The following PCDH15 variants were observed in gnomAD, a reference collection of about 807,000 sequenced individuals.
PCDH15 encodes the protein protocadherin-15.
A neutral mutation model predicts 178.5 loss-of-function variants in PCDH15; 129 were observed. The observed-to-expected ratio is 0.72, with a 90% CI of 0.63 to 0.84. The LOEUF is 0.84. Among genes scored for constraint, PCDH15 ranks in the 40% least tolerant of loss-of-function variants. PCDH15 has a pLI of 0.00. For missense variants in PCDH15, 2,230 were observed against 2,099.9 expected (o/e 1.06, Z -1.21); for synonymous variants, 800 against 732.0 (o/e 1.09, Z -1.50).
intron 3 of PCDH15, among the ~76,000 whole-genome samples, chr10:54,816,543 T>C (rs1952952746): frequency 6.6e-6 from 1 of 152,046 alleles, no homozygotes; most frequent in African/African-American, 2.4e-5. Context: ...ACTAAGATAT[T>C]TTTCATGCCC....
intron 14 of PCDH15, among the ~76,000 whole-genome samples, chr10:54,133,630 C>A (rs2042633812): frequency 6.6e-6 from 1 of 152,068 alleles, no homozygotes; most frequent in Non-Finnish European, 1.5e-5. Context: ...ATGACAGGAG[C>A]TTTTCTTGAA....
chr10:54,461,352 G>A (rs1490140277), intron 3 of PCDH15, among the ~76,000 whole-genome samples: 1 of 151,838 alleles, frequency 6.6e-6, no homozygotes, highest in Non-Finnish European at 1.5e-5. Context: ...TTTACTTTTT[G>A]CAAGTTGTAT....
At chr10:54,358,457 A>G (rs1419349595) in intron 5 of PCDH15, among the ~76,000 whole-genome samples, 2 of 152,208 alleles carry the variant, frequency 1.3e-5, no homozygotes, top group East Asian at 1.9e-4. Flanking sequence ...CAAAACCACA[A>G]TGAGATACCA....
At chr10:55,398,636 G>GACC (rs1356744101) in intron 2 of PCDH15, among the ~76,000 whole-genome samples, 1 of 152,050 alleles carries the variant, frequency 6.6e-6, no homozygotes, top group Non-Finnish European at 1.5e-5. Flanking sequence ...GTCATAACAG[G>GACC]ACCTATTTCT....
At chr10:54,731,117 A>C (rs569766385) in intron 1 of PCDH15, among the ~76,000 whole-genome samples, 5 of 151,406 alleles carry the variant, frequency 3.3e-5, no homozygotes, top group Non-Finnish European at 7.4e-5. Flanking sequence ...CATTTTTCTA[A>C]AGAGACATAC....
intron 2 of PCDH15, among the ~76,000 whole-genome samples, chr10:55,371,172 A>G (rs946059386): frequency 2.0e-5 from 3 of 152,118 alleles, no homozygotes; most frequent in African/African-American, 7.2e-5. Flanking sequence ...GAGAGTATAG[A>G]TTAAAAGGAT....
chr10:54,910,404 G>A (rs1006571274), intron 2 of PCDH15, among the ~76,000 whole-genome samples: 4 of 152,172 alleles, frequency 2.6e-5, no homozygotes, highest in Admixed American at 2.6e-4. Flanking sequence ...TTATATTTGA[G>A]TGTCTATGTT....
chr10:54,948,839 C>A (rs370712982), intron 2 of PCDH15, among the ~76,000 whole-genome samples: 2 of 151,980 alleles, frequency 1.3e-5, no homozygotes, highest in African/African-American at 4.8e-5. Flanking sequence ...TCCAGAAACA[C>A]CCTCACAGAT....
At chr10:55,071,122 C>T (rs974609120) in intron 2 of PCDH15, among the ~76,000 whole-genome samples, 58 of 152,210 alleles carry the variant, frequency 3.8e-4, no homozygotes, top group Non-Finnish European at 6.8e-4. Flanking sequence ...AAGGAACAAC[C>T]AGTACCAGCC....
At chr10:53,947,100 A>C (rs532434253) in intron 23 of PCDH15, among the ~76,000 whole-genome samples, 1 of 152,262 alleles carries the variant, frequency 6.6e-6, no homozygotes, top group South Asian at 2.1e-4. Flanking sequence ...AATATTTCTA[A>C]GTGTTTTTTG....
At chr10:55,448,888 A>G (rs1363172038) in intron 2 of PCDH15, among the ~76,000 whole-genome samples, 1 of 152,058 alleles carries the variant, frequency 6.6e-6, no homozygotes, top group Non-Finnish European at 1.5e-5. Flanking sequence ...CACCCTATTC[A>G]GGAATAAGTA....
At chr10:55,290,017 T>C (rs906447355) in intron 1 of PCDH15, among the ~76,000 whole-genome samples, 9 of 150,666 alleles carry the variant, frequency 6.0e-5, no homozygotes, top group South Asian at 2.1e-4. Context: ...ACTAGATACC[T>C]GAGTCATGTT....
intron 2 of PCDH15, among the ~76,000 whole-genome samples, chr10:54,934,893 G>A (rs538572081): frequency 2.4e-4 from 36 of 152,124 alleles, no homozygotes; most frequent in African/African-American, 7.7e-4. Context: ...GGAATACTAT[G>A]CAGCCATAAA....
intron 3 of PCDH15, among the ~76,000 whole-genome samples, chr10:54,841,757 A>T (rs1953422691): frequency 6.6e-6 from 1 of 151,824 alleles, no homozygotes; most frequent in South Asian, 2.1e-4. Flanking sequence ...GTTTTCTAAA[A>T]TAAAAATAGA....
intron 2 of PCDH15, among the ~76,000 whole-genome samples, chr10:55,138,725 C>G (rs1218449625): frequency 6.6e-6 from 1 of 152,070 alleles, no homozygotes; most frequent in Non-Finnish European, 1.5e-5. Context: ...TCGGTACCAA[C>G]AAGATATAAA....
chr10:54,387,157 T>C (rs1353065881), intron 3 of PCDH15, among the ~76,000 whole-genome samples: 1 of 152,156 alleles, frequency 6.6e-6, no homozygotes, highest in Non-Finnish European at 1.5e-5. Context: ...ATGGAAATTG[T>C]GGAAAACAAA....
intron 2 of PCDH15, among the ~76,000 whole-genome samples, chr10:55,372,540 T>G (rs1271628340): frequency 6.6e-6 from 1 of 152,106 alleles, no homozygotes; most frequent in East Asian, 1.9e-4. Context: ...TGAGGGAAAA[T>G]AGTCAAAGCT....
intron 15 of PCDH15, among the ~76,000 whole-genome samples, chr10:54,098,195 T>C (rs1209032901): frequency 1.5e-5 from 1 of 65,318 alleles, no homozygotes; most frequent in Non-Finnish European, 2.8e-5. Context: ...TAAAGTTGTG[T>C]GTGTGTGTGT....
intron 3 of PCDH15, among the ~76,000 whole-genome samples, chr10:54,484,533 A>G (rs1177172134): frequency 6.6e-6 from 1 of 151,958 alleles, no homozygotes; most frequent in Non-Finnish European, 1.5e-5. Flanking sequence ...TGGAAAATTC[A>G]CAAGTAGTAG....
Sources: gnomAD v4.1 joint callset for allele counts (sites outside exome capture counted in the v4.1 genomes callset) on GRCh38, gnomAD v4.1.1 for gene constraint, MANE v1.5 for transcripts, NCBI Gene and HGNC (gene_info 2026-07-23, HGNC 2026-07-21) for gene names.